Variants in TNNC1 observed in about 807,000 individuals in gnomAD.
TNNC1 encodes the protein troponin C1, slow skeletal and cardiac type.
In TNNC1, 10 loss-of-function variants were observed where a neutral mutation model predicts 19.6. The observed-to-expected ratio is 0.51, with a 90% CI of 0.31 to 0.87. The LOEUF is 0.87. Among genes scored for constraint, TNNC1 ranks in the 40% least tolerant of loss-of-function variants. TNNC1 has a pLI of 0.04. For missense variants in TNNC1, 115 were observed against 219.8 expected (o/e 0.52, Z 3.02); for synonymous variants, 85 against 80.1 (o/e 1.06, Z -0.33).
At position 52,452,009 on chromosome 3, in the gene TNNC1, G is replaced by T; in HGVS notation, c.202+97C>A. On this transcript the variant is annotated intron_variant, in intron 3 of 5. Coordinates refer to ENST00000232975, the MANE Select transcript of TNNC1 (RefSeq NM_003280.3). The surrounding 1 kb of genome is among the most constrained non-coding windows in gnomAD (Gnocchi z 5.2). ...CCATTTTATAGATGAGGCAACCAAG[G>T]CTCGGATAGGCTAAATTGCTCCCAG... is the stretch of plus-strand genomic sequence containing the variant. 6.3e-7 allele frequency: 1 copy of T among 1,596,168 alleles called. No individual in the cohort carries two copies. The highest frequency in any genetic ancestry group is 1.7e-4 in the Middle Eastern group (1 of 6,028).
Position 52,451,808 on chromosome 3 carries a change from T to A in TNNC1, c.253A>T (p.Met85Leu). Residue 85 changes from methionine to leucine, a missense_variant, in exon 4 of 6, where the codon ATG (methionine) becomes TTG (leucine). By Grantham distance (15) the Met-to-Leu change is conservative (BLOSUM62 2). Coordinates refer to ENST00000232975, the MANE Select transcript of TNNC1 (RefSeq NM_003280.3). The surrounding 1 kb of genome is among the most constrained non-coding windows in gnomAD (Gnocchi z 4.8). ...DEFLVMMVRC[M>L]KDDSKGKSEE... Reference sequence around the variant, plus strand: ...GATTTCCCTTTGCTGTCGTCCTTCATGCACCGAACCATCATGACCAGGAAC... The same window carrying A: ...GATTTCCCTTTGCTGTCGTCCTTCAAGCACCGAACCATCATGACCAGGAAC... 1 of 1,614,134 alleles carries A rather than the reference T, an allele frequency of 6.2e-7. No homozygotes were observed. The highest frequency in any genetic ancestry group is 8.5e-7 in the Non-Finnish European group (1 of 1,180,008).
Position 52,452,612 on chromosome 3 carries a change from C to T in TNNC1, c.25-99G>A. 2 of 1,325,040 alleles carry T rather than the reference C, an allele frequency of 1.5e-6. No homozygotes were observed. The highest frequency in any genetic ancestry group is 2.1e-6 in the Non-Finnish European group (2 of 936,200). The allele number at this position is 1,325,040 out of a possible 1,614,324, so 82.1% of individuals were successfully genotyped here. A position where few individuals can be genotyped will look rare whatever the true frequency, so the allele number is the denominator to read the frequency against. ...GTGAGAAGGCTGGAGCTGGAGGAGG[C>T]AGGCTATTTCCAGGCCACAGAGTGG... On this transcript the variant is annotated intron_variant, in intron 1 of 5. Coordinates refer to ENST00000232975, the MANE Select transcript of TNNC1 (RefSeq NM_003280.3). This position sits in a 1 kb window ranked among gnomAD's most constrained non-coding sequence, Gnocchi z 5.2.
Position 52,454,041 on chromosome 3 carries a change from T to G in TNNC1, c.-26A>C. Reference sequence around the variant, plus strand: ...GCTGGCGGCTCACAGGACAGCTTGCTGGGGTTGCCAGCCGGCCCTTGACTT... The same window carrying G: ...GCTGGCGGCTCACAGGACAGCTTGCGGGGGTTGCCAGCCGGCCCTTGACTT... On this transcript the variant is annotated 5_prime_UTR_variant, in exon 1 of 6. Transcript: ENST00000232975. The G allele has an allele frequency of 2.6e-6, 4 of 1,568,492 alleles. No individual in the cohort carries two copies. Among genetic ancestry groups the G allele is most frequent in the Non-Finnish European group, 3.5e-6 (4 of 1,155,468 alleles).
Position 52,452,499 on chromosome 3 carries a change from T to C in TNNC1, c.39A>G (p.Thr13=). 1 of 1,613,626 alleles carries C rather than the reference T, an allele frequency of 6.2e-7. No individual in the cohort carries two copies. The highest frequency in any genetic ancestry group is 8.5e-7 in the Non-Finnish European group (1 of 1,179,818). Residue 13 remains threonine, a synonymous_variant, in exon 2 of 6, where the codon ACA becomes ACG. Transcript: ENST00000232975. The surrounding 1 kb of genome is among the most constrained non-coding windows in gnomAD (Gnocchi z 5.2). The part of the protein sequence containing the change: ...DIYKAAVEQL[T]EEQKNEFKAA... ...GATTCTCACCATTTTTCTGCTCTTC[T>C]GTCAGCTGCTCTACCTAGAAAGGAA...
chr3:52,451,812 C>T lies in TNNC1; in HGVS notation c.249G>A (p.Arg83=). The change falls in exon 4 of 6, where the codon CGG becomes CGA. Residue 83 remains arginine (R), a synonymous_variant. Transcript: ENST00000232975. This position sits in a 1 kb window ranked among gnomAD's most constrained non-coding sequence, Gnocchi z 4.8. ...DFDEFLVMMV[R]CMKDDSKGKS... is the part of the protein sequence containing the mutation. ...TCCCTTTGCTGTCGTCCTTCATGCA[C>T]CGAACCATCATGACCAGGAACTCAT... The T allele has an allele frequency of 1.9e-6, 3 of 1,614,134 alleles. No homozygotes were observed. Among genetic ancestry groups the T allele is most frequent in the Non-Finnish European group, 2.5e-6 (3 of 1,180,014 alleles).
chr3:52,451,947 C>T lies in TNNC1; in HGVS notation c.203-89G>A. 1 of 1,534,274 alleles carries T rather than the reference C, an allele frequency of 6.5e-7. No individual in the cohort carries two copies. The highest frequency in any genetic ancestry group is 9.0e-7 in the Non-Finnish European group (1 of 1,110,176). On this transcript the variant is annotated intron_variant, in intron 3 of 5. Coordinates refer to ENST00000232975, the MANE Select transcript of TNNC1 (RefSeq NM_003280.3). This position sits in a 1 kb window ranked among gnomAD's most constrained non-coding sequence, Gnocchi z 4.8. ...ACGAACCCCCATGTTCTCACCGCAT[C>T]CTCACACCAAACGCCAGGCTTGTGT...
Position 52,451,392 on chromosome 3 carries a change from A to ATCATAGTCGATGCGGCCGTCGTTGT in TNNC1, c.428_452dup (p.Asp151GlufsTer9). 1 of 1,614,140 alleles carries ATCATAGTCGATGCGGCCGTCGTTGT rather than the reference A, an allele frequency of 6.2e-7. No individual in the cohort carries two copies. Among genetic ancestry groups the ATCATAGTCGATGCGGCCGTCGTTGT allele is most frequent in the East Asian group, 2.2e-5 (1 of 44,886 alleles). ...AGATCAGCCCACCCACCCGCTTACC[A>ATCATAGTCGATGCGGCCGTCGTTGT]TCATAGTCGATGCGGCCGTCGTTGT... On this transcript the variant is annotated stop_gained and frameshift_variant and splice_region_variant, in exon 5 of 6. Coordinates refer to ENST00000232975, the MANE Select transcript of TNNC1 (RefSeq NM_003280.3). LOFTEE classifies it high-confidence loss of function. The surrounding 1 kb of genome is among the most constrained non-coding windows in gnomAD (Gnocchi z 4.8).
Position 52,452,522 on chromosome 3 carries a change from G to T in TNNC1, c.25-9C>A, listed in dbSNP as rs1189158493. The T allele has an allele frequency of 1.2e-5, 19 of 1,613,174 alleles. No homozygotes were observed. The highest frequency in any genetic ancestry group is 1.5e-5 in the Non-Finnish European group (18 of 1,179,630). ...TCTGTCAGCTGCTCTACCTAGAAAG[G>T]AAAGGGAATCTCAAGGCTCAGACTC... is the stretch of plus-strand genomic sequence containing the variant. On this transcript the variant is annotated splice_polypyrimidine_tract_variant and intron_variant, in intron 1 of 5. Coordinates refer to ENST00000232975, the MANE Select transcript of TNNC1 (RefSeq NM_003280.3). The surrounding 1 kb of genome is among the most constrained non-coding windows in gnomAD (Gnocchi z 5.2).
At position 52,452,107 on chromosome 3, in the gene TNNC1, G is replaced by A. The variant is rs150881554; in HGVS notation, c.201C>T (p.Asp67=). Residue 67 remains aspartate (D), a splice_region_variant and synonymous_variant, in exon 3 of 6, where the codon GAC becomes GAT. Coordinates refer to ENST00000232975, the MANE Select transcript of TNNC1 (RefSeq NM_003280.3). This position sits in a 1 kb window ranked among gnomAD's most constrained non-coding sequence, Gnocchi z 5.2. ...LQEMIDEVDE[D]GSGTVDFDEF... is the part of the protein sequence containing the mutation. ...GAGCCTGGGGAGGAGGGGGCTCACC[G>A]TCCTCGTCCACCTCATCGATCATCT... is the stretch of plus-strand genomic sequence containing the variant. The A allele has an allele frequency of 1.2e-4, 191 of 1,613,830 alleles. No individual in the cohort carries two copies. The African/African-American group carries it at 1.8e-3, about 15-fold the overall frequency.
At position 52,453,987 on chromosome 3, in the gene TNNC1, C is replaced by G; in HGVS notation, c.24+5G>C. The G allele has an allele frequency of 6.3e-7, 1 of 1,586,644 alleles. No individual in the cohort carries two copies. Reference sequence around the variant, plus strand: ...ACCCCAGCCCTACCCAGCCCTGTCCCTCACCGCAGCCTTGTAGATGTCATC... The same window carrying G: ...ACCCCAGCCCTACCCAGCCCTGTCCGTCACCGCAGCCTTGTAGATGTCATC... On this transcript the variant is annotated splice_donor_5th_base_variant and intron_variant, in intron 1 of 5. Coordinates refer to ENST00000232975, the MANE Select transcript of TNNC1 (RefSeq NM_003280.3).
chr3:52,451,596 G>T lies in TNNC1; in HGVS notation c.318-69C>A. 6.2e-7 allele frequency: 1 copy of T among 1,605,090 alleles called. No individual in the cohort carries two copies. Among genetic ancestry groups the T allele is most frequent in the Non-Finnish European group, 8.5e-7 (1 of 1,172,462 alleles). On this transcript the variant is annotated intron_variant, in intron 4 of 5. Transcript: ENST00000232975. This position sits in a 1 kb window ranked among gnomAD's most constrained non-coding sequence, Gnocchi z 4.8. Reference sequence around the variant, plus strand: ...GGCAGCCCCACCCATGCCCCAGGAGGCAGAGCAGGGACACTGGGAGATGGG... The same window carrying T: ...GGCAGCCCCACCCATGCCCCAGGAGTCAGAGCAGGGACACTGGGAGATGGG...
rs1706344380 is a variant in TNNC1 at position 52,452,537 on chromosome 3, G to A, written c.25-24C>T. ...ACCTAGAAAGGAAAGGGAATCTCAA[G>A]GCTCAGACTCAGGTATAGCTGCTGC... On this transcript the variant is annotated intron_variant, in intron 1 of 5. Transcript: ENST00000232975. This position sits in a 1 kb window ranked among gnomAD's most constrained non-coding sequence, Gnocchi z 5.2. 1 of 1,612,298 alleles carries A rather than the reference G, an allele frequency of 6.2e-7. No homozygotes were observed. The highest frequency in any genetic ancestry group is 2.2e-5 in the East Asian group (1 of 44,842).
rs397516845 is a variant in TNNC1 at position 52,451,458 on chromosome 3, C to T, written c.387G>A (p.Thr129=). 15 of 1,614,034 alleles carry T rather than the reference C, an allele frequency of 9.3e-6. No individual in the cohort carries two copies. The highest frequency in any genetic ancestry group is 5.5e-5 in the South Asian group (5 of 91,088). Residue 129 remains threonine, a synonymous_variant, in exon 5 of 6, where the codon ACG becomes ACA. Transcript: ENST00000232975. The surrounding 1 kb of genome is among the most constrained non-coding windows in gnomAD (Gnocchi z 4.8). ...IMLQATGETI[T]EDDIEELMKD... ...TCATGAGCTCCTCGATGTCGTCCTC[C>T]GTGATGGTCTCGCCTGTAGCCTGCA... is the stretch of plus-strand genomic sequence containing the variant.
At position 52,452,801 on chromosome 3, in the gene TNNC1, T is replaced by C. The variant is rs954283376; in HGVS notation, c.25-288A>G. The C allele has an allele frequency of 1.1e-5, 6 of 525,594 alleles. No individual in the cohort carries two copies. The East Asian group carries it at 2.0e-4, about 18-fold the overall frequency. 32.6% of individuals were successfully genotyped at this position (525,594 alleles called of 1,614,324 possible). ...CACTCAATGCCCTTTCGGCCCCTGA[T>C]GAAACTCAAGCTGGGTGGCCCGAAG... On this transcript the variant is annotated intron_variant, in intron 1 of 5. Transcript: ENST00000232975. This position sits in a 1 kb window ranked among gnomAD's most constrained non-coding sequence, Gnocchi z 5.2.
chr3:52,452,596 C>A lies in TNNC1; in HGVS notation c.25-83G>T. 1 of 1,442,452 alleles carries A rather than the reference C, an allele frequency of 6.9e-7. No homozygotes were observed. Among genetic ancestry groups the A allele is most frequent in the Non-Finnish European group, 9.6e-7 (1 of 1,038,354 alleles). 89.4% of individuals were successfully genotyped at this position (1,442,452 alleles called of 1,614,324 possible). A position where few individuals can be genotyped will look rare whatever the true frequency, so the allele number is the denominator to read the frequency against. ...CCAACCCATTCCACAGGTGAGAAGG[C>A]TGGAGCTGGAGGAGGCAGGCTATTT... is the stretch of plus-strand genomic sequence containing the variant. On this transcript the variant is annotated intron_variant, in intron 1 of 5. Coordinates refer to ENST00000232975, the MANE Select transcript of TNNC1 (RefSeq NM_003280.3). This position sits in a 1 kb window ranked among gnomAD's most constrained non-coding sequence, Gnocchi z 5.2.
Position 52,452,459 on chromosome 3 carries a change from C to G in TNNC1, c.55+24G>C, listed in dbSNP as rs1229825922. ...TGCCAGCCTGGACCCGCTGGTCTCC[C>G]ACATGTGTGATAGGGATTCTCACCA... On this transcript the variant is annotated intron_variant, in intron 2 of 5. Coordinates refer to ENST00000232975, the MANE Select transcript of TNNC1 (RefSeq NM_003280.3). The surrounding 1 kb of genome is among the most constrained non-coding windows in gnomAD (Gnocchi z 5.2). The G allele has an allele frequency of 6.2e-7, 1 of 1,612,648 alleles. No homozygotes were observed. The highest frequency in any genetic ancestry group is 1.7e-5 in the Admixed American group (1 of 59,742).
chr3:52,452,801 T>A lies in TNNC1; in HGVS notation c.25-288A>T, dbSNP rs954283376. 1 of 525,594 alleles carries A rather than the reference T, an allele frequency of 1.9e-6. No individual in the cohort carries two copies. 32.6% of individuals were successfully genotyped at this position (525,594 alleles called of 1,614,324 possible). On this transcript the variant is annotated intron_variant, in intron 1 of 5. Coordinates refer to ENST00000232975, the MANE Select transcript of TNNC1 (RefSeq NM_003280.3). The surrounding 1 kb of genome is among the most constrained non-coding windows in gnomAD (Gnocchi z 5.2). ...CACTCAATGCCCTTTCGGCCCCTGA[T>A]GAAACTCAAGCTGGGTGGCCCGAAG...
chr3:52,451,509 G>A lies in TNNC1; in HGVS notation c.336C>T (p.Ile112=), dbSNP rs763584637. 1.7e-5 allele frequency: 27 copies of A among 1,613,978 alleles called. No individual in the cohort carries two copies. The Admixed American group carries it at 3.0e-4, about 18-fold the overall frequency. The change falls in exon 5 of 6, where the codon ATC becomes ATT. Residue 112 remains isoleucine (I), a synonymous_variant. Transcript: ENST00000232975. The surrounding 1 kb of genome is among the most constrained non-coding windows in gnomAD (Gnocchi z 4.8). Reference sequence around the variant, plus strand: ...GCATTATCTTCAGCTCATCCAGGTCGATGTAGCCATCAGCATTTCTGTGGG... The same window carrying A: ...GCATTATCTTCAGCTCATCCAGGTCAATGTAGCCATCAGCATTTCTGTGGG... ...RMFDKNADGY[I]DLDELKIMLQ...
chr3:52,451,184 T>G lies in TNNC1; in HGVS notation c.*91A>C. 1 of 1,481,014 alleles carries G rather than the reference T, an allele frequency of 6.8e-7. No homozygotes were observed. The highest frequency in any genetic ancestry group is 9.4e-7 in the Non-Finnish European group (1 of 1,062,192). The allele number at this position is 1,481,014 out of a possible 1,614,324, so 91.7% of individuals were successfully genotyped here. A position where few individuals can be genotyped will look rare whatever the true frequency, so the allele number is the denominator to read the frequency against. ...TTTGGGGTTGAGGACATGGCCAGGC[T>G]CAGGTCCTGGGACCCCGACCCCCTC... On this transcript the variant is annotated 3_prime_UTR_variant, in exon 6 of 6. Transcript: ENST00000232975. This position sits in a 1 kb window ranked among gnomAD's most constrained non-coding sequence, Gnocchi z 4.8.
Sources: gnomAD v4.1 joint callset for allele counts on GRCh38, gnomAD v4.1.1 for gene constraint, Gnocchi (gnomAD v3.1) non-coding constraint, MANE v1.5 for transcripts, NCBI Gene and HGNC (gene_info 2026-07-23, HGNC 2026-07-21) for gene names.